TSC2: variants seen among roughly 807,000 people sequenced by gnomAD.
TSC2 encodes the protein tuberin.
TSC2 carries 29 observed loss-of-function variants against 202.2 expected under a neutral mutation model. The observed-to-expected ratio is 0.14, with a 90% CI of 0.11 to 0.20. The LOEUF is 0.20. Ranked by LOEUF, TSC2 falls within the 10% of genes least tolerant of loss-of-function variation. The pLI is 1.00. For missense variants in TSC2, 2,429 were observed against 2,420.0 expected (o/e 1.00, Z -0.08); for synonymous variants, 1,349 against 1,044.0 (o/e 1.29, Z -5.63).
intron 25 of TSC2, among the ~76,000 whole-genome samples, chr16:2,076,925 T>G (rs1253406809): frequency 1.3e-5 from 2 of 152,098 alleles, no homozygotes; most frequent in Admixed American, 6.5e-5. Flanking sequence ...AGCCGGGGAC[T>G]CTGCTTCATC....
chr16:2,049,968 T>G (rs1029649075), intron 2 of TSC2, among the ~76,000 whole-genome samples: 2 of 151,494 alleles, frequency 1.3e-5, no homozygotes, highest in Non-Finnish European at 3.0e-5. Flanking sequence ...TTTTTTTTTT[T>G]TTTTGAGACC....
rs2151298009 is a variant in TSC2 at position 2,071,576 on chromosome 16, G to A, written c.1906G>A (p.Gly636Arg). The A allele has an allele frequency of 5.0e-6, 8 of 1,613,534 alleles. No individual in the cohort carries two copies. Among genetic ancestry groups the A allele is most frequent in the Non-Finnish European group, 6.8e-6 (8 of 1,180,024 alleles). Residue 636 changes from glycine (G) to arginine (R), a missense_variant, in exon 18 of 42, where the codon GGA (glycine) becomes AGA (arginine). By Grantham distance (125) the Gly-to-Arg change is moderately radical (BLOSUM62 -2). Coordinates refer to ENST00000219476, the MANE Select transcript of TSC2 (RefSeq NM_000548.5). ...LHRLGLPNKD[G>R]VVRFSPYCVC... Reference sequence around the variant, plus strand: ...CCGCCTGGGCCTGCCCAACAAGGATGGAGTCGTGCGGTTCAGCCCCTACTG... The same window carrying A: ...CCGCCTGGGCCTGCCCAACAAGGATAGAGTCGTGCGGTTCAGCCCCTACTG...
chr16:2,063,082 G>A (rs368999204), intron 14 of TSC2, 29 bp downstream of exon 14: 6 of 1,550,748 alleles, frequency 3.9e-6, no homozygotes, highest in African/African-American at 2.7e-5. Flanking sequence ...GCAGCTGGGG[G>A]CTCAGGGCTA....
chr16:2,060,405 G>C (rs915275157), intron 10 of TSC2, among the ~76,000 whole-genome samples: 2 of 152,180 alleles, frequency 1.3e-5, no homozygotes, highest in African/African-American at 4.8e-5. Flanking sequence ...GGCCCACCGG[G>C]TGCCCAGGAT....
chr16:2,075,995 GT>G (rs2089296005), intron 23 of TSC2, 72 bp from the exon 24 acceptor site: 1 of 1,612,816 alleles, frequency 6.2e-7, no homozygotes, highest in Non-Finnish European at 8.5e-7. Context: ...GAGCGCCTCG[GT>G]TTTTTGCACT....
At position 2,089,399 on chromosome 16, in the gene TSC2, C is replaced by T. The variant is rs564609458; in HGVS notation, c.*789C>T. The T allele has an allele frequency of 3.9e-4, 171 of 439,022 alleles. 1 individual carries two copies. Among genetic ancestry groups the T allele is most frequent in the Non-Finnish European group, 5.9e-4 (143 of 240,510 alleles). 27.2% of individuals were successfully genotyped at this position (439,022 alleles called of 1,614,324 possible). ...CCCTCCCTGAAGCCAGCAGCCTTAG[C>T]AGTGGGGGACATCTGCCCAGGGGGT... On this transcript the variant is annotated 3_prime_UTR_variant, in exon 42 of 42. Coordinates refer to ENST00000219476, the MANE Select transcript of TSC2 (RefSeq NM_000548.5).
chr16:2,062,782 C>T (rs2086798381), intron 13 of TSC2, 182 bp downstream of exon 13: 2 of 883,658 alleles, frequency 2.3e-6, no homozygotes, highest in South Asian at 3.0e-5. Flanking sequence ...CAGGTCCTCT[C>T]ATGACGCCAC....
Position 2,088,263 on chromosome 16 carries a change from A to G in TSC2, c.5197A>G (p.Thr1733Ala), listed in dbSNP as rs1596460327. The G allele has an allele frequency of 6.2e-7, 1 of 1,612,964 alleles. No homozygotes were observed. Among genetic ancestry groups the G allele is most frequent in the Non-Finnish European group, 8.5e-7 (1 of 1,179,978 alleles). ...GGTGCATCATAGCCGCTCCAACCCC[A>G]CCGATATCTACCCCTCCAAGTGGAT... ...SQVHHSRSNP[T>A]DIYPSKWIAR... Residue 1733 changes from threonine to alanine, a missense_variant, in exon 41 of 42, where the codon ACC becomes GCC. By Grantham distance (58) the Thr-to-Ala change is moderately conservative. Transcript: ENST00000219476.
Position 2,079,496 on chromosome 16 carries a change from G to A in TSC2, c.3285-61G>A, listed in dbSNP as rs559042339. 1.0e-4 allele frequency: 162 copies of A among 1,608,288 alleles called. 1 individual carries two copies. In the South Asian group the frequency reaches 1.4e-3, roughly 14 times the overall value. ...CCGGCTGTCCCGAGCCCAGGCCCAC[G>A]TGGCACCCTCGTACCAGCCTGGGGA... On this transcript the variant is annotated intron_variant, in intron 28 of 41. Transcript: ENST00000219476. The surrounding 1 kb of genome is among the most constrained non-coding windows in gnomAD (Gnocchi z 4.6).
chr16:2,072,778 T>C, intron 20 of TSC2, 71 bp from the exon 21 acceptor site: 2 of 1,610,284 alleles, frequency 1.2e-6, no homozygotes, highest in Non-Finnish European at 1.7e-6. Context: ...TCCCAGGGCC[T>C]CCCCAGCCCC....
rs1360870099 is a variant in TSC2, at chr16:2,085,105, G to T, written c.4569+79G>T. 6.9e-6 allele frequency: 11 copies of T among 1,605,024 alleles called. No homozygotes were observed. The East Asian group carries it at 2.2e-4, about 33-fold the overall frequency. On this transcript the variant is annotated intron_variant, in intron 35 of 41. Coordinates refer to ENST00000219476, the MANE Select transcript of TSC2 (RefSeq NM_000548.5). ...TGGTGGGGGGCCCAGCTCTGCTGCT[G>T]GGAGCTCAGGCTTGCAGAGGGCTCT...
chr16:2,084,178 G>A, intron 33 of TSC2, 50 bp from the exon 34 acceptor site: 1 of 1,551,172 alleles, frequency 6.4e-7, no homozygotes, highest in Non-Finnish European at 8.7e-7. Flanking sequence ...CCCCAGGTGG[G>A]CTCGAGGGTG....
intron 30 of TSC2, chr16:2,080,707 A>C: frequency 3.1e-6 from 1 of 320,200 alleles, no homozygotes; most frequent in Non-Finnish European, 6.0e-6. Context: ...GATGGTCTCA[A>C]TCTCCTGACC....
In TSC2 at chr16:2,061,945, C is replaced by T. The variant is rs369172347; in HGVS notation, c.1194C>T (p.Asn398=). 4.6e-5 allele frequency: 74 copies of T among 1,614,188 alleles called. No homozygotes were observed. Among genetic ancestry groups the T allele is most frequent in the Non-Finnish European group, 5.4e-5 (64 of 1,180,018 alleles). The change falls in exon 12 of 42, where the codon AAC becomes AAT. Residue 398 remains asparagine (N), a synonymous_variant. Transcript: ENST00000219476. ...CGGTGGAGGAGCTGTGTGACCAGAACGAGTTCCACGGGTCTCAGGAGAGAT... is the reference window on the plus strand; with the variant it reads ...CGGTGGAGGAGCTGTGTGACCAGAATGAGTTCCACGGGTCTCAGGAGAGAT... ...LTTVEELCDQ[N]EFHGSQERYF... is the part of the protein sequence containing the mutation.
rs889162815 is a variant in TSC2 at position 2,059,016 on chromosome 16, G to T, written c.975+143G>T. ...CCAGGCAGTTGCTTTGCAGCTGGGGGTGAGGTTTGGGGCCCTTTGTAGGCT... is the reference window on the plus strand; with the variant it reads ...CCAGGCAGTTGCTTTGCAGCTGGGGTTGAGGTTTGGGGCCCTTTGTAGGCT... On this transcript the variant is annotated intron_variant, in intron 10 of 41. Coordinates refer to ENST00000219476, the MANE Select transcript of TSC2 (RefSeq NM_000548.5). 7 of 1,354,036 alleles carry T rather than the reference G, an allele frequency of 5.2e-6. No individual in the cohort carries two copies. In the Admixed American group the frequency reaches 1.4e-4, roughly 27 times the overall value. The allele number at this position is 1,354,036 out of a possible 1,614,324, so 83.9% of individuals were successfully genotyped here.
Position 2,055,519 on chromosome 16 carries a change from A to C in TSC2, c.599A>C (p.Gln200Pro). The C allele has an allele frequency of 6.2e-7, 1 of 1,613,036 alleles. No individual in the cohort carries two copies. Among genetic ancestry groups the C allele is most frequent in the Non-Finnish European group, 8.5e-7 (1 of 1,178,988 alleles). ...YLDEYIARMV[Q>P]MICLLCVRTA... ...GACGAGTACATCGCAAGGATGGTTC[A>C]GTAAGAAAAGAATTGAGATCCTGTT... is the stretch of plus-strand genomic sequence containing the variant. The change falls in exon 6 of 42, where the codon CAG (glutamine) becomes CCG (proline). Residue 200 changes from glutamine (Q) to proline (P), a missense_variant and splice_region_variant. By Grantham distance (76) the Gln-to-Pro change is moderately conservative. Coordinates refer to ENST00000219476, the MANE Select transcript of TSC2 (RefSeq NM_000548.5).
chr16:2,080,059 C>G, intron 29 of TSC2, 106 bp from the exon 30 acceptor site: 1 of 1,465,712 alleles, frequency 6.8e-7, no homozygotes, highest in Non-Finnish European at 9.5e-7. Flanking sequence ...CCGTCTCTGG[C>G]TGCCTGTGGC....
intron 16 of TSC2, among the ~76,000 whole-genome samples, chr16:2,069,876 G>A (rs925043856): frequency 1.3e-5 from 2 of 151,466 alleles, no homozygotes; most frequent in South Asian, 2.1e-4. Context: ...GCCTCCCAAA[G>A]TGCTGGGATT....
chr16:2,086,663 GC>G, intron 37 of TSC2, 68 bp from the exon 38 acceptor site: 1 of 1,596,206 alleles, frequency 6.3e-7, no homozygotes, highest in South Asian at 1.1e-5. Context: ...ATCAGGAGGT[GC>G]CCCAGTGCAA....
Sources: gnomAD v4.1 joint callset for allele counts (sites outside exome capture counted in the v4.1 genomes callset) on GRCh38, gnomAD v4.1.1 for gene constraint, Gnocchi (gnomAD v3.1) non-coding constraint, MANE v1.5 for transcripts, NCBI Gene and HGNC (gene_info 2026-07-23, HGNC 2026-07-21) for gene names.